The following TRHDE variants were observed in gnomAD, a reference collection of about 807,000 sequenced individuals.
TRHDE encodes the protein thyrotropin releasing hormone degrading enzyme.
A neutral mutation model predicts 125.7 loss-of-function variants in TRHDE; 72 were observed. The observed-to-expected ratio is 0.57, with a 90% CI of 0.47 to 0.70. The LOEUF (loss-of-function observed/expected upper bound fraction) is 0.70, where lower values mean the gene tolerates loss of function less well. Ranked by LOEUF, TRHDE falls within the 30% of genes least tolerant of loss-of-function variation. TRHDE has a pLI of 0.00. For synonymous variants in TRHDE, 509 were observed against 509.1 expected (o/e 1.00, Z 0.00); for missense variants, 1,110 against 1,327.1 (o/e 0.84, Z 2.54).
In TRHDE at chr12:72,382,299, G is replaced by C. The variant is rs574164196; in HGVS notation, c.1315+4178G>C. On this transcript the variant is annotated intron_variant, in intron 3 of 18. Transcript: ENST00000261180. ...AAAAGCAGTTCTAGAATACAGACTT[G>C]ACAGGTGTGCTTAAAAGCAAATGGG... Among the ~76,000 whole-genome samples the C allele has an allele frequency of 6.1e-4, 92 of 152,046 alleles. No homozygotes were observed. In the South Asian group the frequency reaches 6.9e-3, roughly 11 times the overall value.
At chr12:72,402,357 G>C (rs149262937) in intron 3 of TRHDE, among the ~76,000 whole-genome samples, 1 of 152,280 alleles carries the variant, frequency 6.6e-6, no homozygotes, top group African/African-American at 2.4e-5. Context: ...ATCCTGGGCT[G>C]TAGACAGCAC....
At chr12:72,090,327 C>G (rs1874761014) in intron 1 of TRHDE, among the ~76,000 whole-genome samples, 2 of 152,038 alleles carry the variant, frequency 1.3e-5, no homozygotes, top group South Asian at 4.1e-4. Context: ...TCTTTTGGCA[C>G]TGAACAAAAT....
chr12:72,343,029 A>G (rs987237601), intron 2 of TRHDE, among the ~76,000 whole-genome samples: 1 of 152,166 alleles, frequency 6.6e-6, no homozygotes, highest in Non-Finnish European at 1.5e-5. Flanking sequence ...TGAAGAGGTT[A>G]TATAACTTGC....
At chr12:72,291,713 G>A (rs370792736) in intron 2 of TRHDE, among the ~76,000 whole-genome samples, 1 of 152,176 alleles carries the variant, frequency 6.6e-6, no homozygotes. Flanking sequence ...ATTGGGTATT[G>A]TATGCAATCT....
chr12:72,646,170 AAAGGTACAC>A (rs1314092919), intron 15 of TRHDE, among the ~76,000 whole-genome samples: 7 of 152,276 alleles, frequency 4.6e-5, no homozygotes, highest in Non-Finnish European at 1.0e-4. Flanking sequence ...AAATATATTA[AAAGGTACAC>A]AATATGAATA....
At chr12:72,517,997 G>T (rs1878968898) in intron 6 of TRHDE, among the ~76,000 whole-genome samples, 2 of 150,494 alleles carry the variant, frequency 1.3e-5, no homozygotes, top group African/African-American at 4.9e-5. Context: ...TGATTGCACT[G>T]TGGTCTGAGA....
intron 2 of TRHDE, among the ~76,000 whole-genome samples, chr12:72,195,974 G>A (rs1055758683): frequency 1.3e-5 from 2 of 152,076 alleles, no homozygotes; most frequent in Admixed American, 1.3e-4. Context: ...ACCATTTATT[G>A]AATAGGGAGT....
At chr12:72,490,033 A>G (rs1877590438) in intron 5 of TRHDE, among the ~76,000 whole-genome samples, 1 of 151,972 alleles carries the variant, frequency 6.6e-6, no homozygotes, top group Non-Finnish European at 1.5e-5. Flanking sequence ...CAGCAAAGGA[A>G]ACAACAAAAT....
intron 6 of TRHDE, among the ~76,000 whole-genome samples, chr12:72,504,396 C>T (rs1878277507): frequency 2.0e-5 from 3 of 151,848 alleles, no homozygotes; most frequent in South Asian, 2.1e-4. Context: ...CTCTGCCTCC[C>T]GGGTTCAAGT....
At chr12:72,496,607 A>G (rs1877931228) in intron 5 of TRHDE, among the ~76,000 whole-genome samples, 2 of 152,190 alleles carry the variant, frequency 1.3e-5, no homozygotes, top group South Asian at 4.1e-4. Context: ...TTGGGTGGGG[A>G]CACAGAGCCA....
intron 12 of TRHDE, among the ~76,000 whole-genome samples, chr12:72,615,262 T>C (rs1872773024): frequency 6.6e-6 from 1 of 152,184 alleles, no homozygotes; most frequent in Non-Finnish European, 1.5e-5. Context: ...TATGTTGTTC[T>C]TTAAATTTGC....
intron 5 of TRHDE, among the ~76,000 whole-genome samples, chr12:72,491,043 G>T (rs564524750): frequency 1.4e-5 from 2 of 147,904 alleles, no homozygotes; most frequent in African/African-American, 5.0e-5. Context: ...ATGTTAATTT[G>T]CTTCACTATA....
chr12:72,135,894 G>A (rs778534049), intron 2 of TRHDE, among the ~76,000 whole-genome samples: 2 of 151,790 alleles, frequency 1.3e-5, no homozygotes, highest in Non-Finnish European at 2.9e-5. Context: ...CTGACATCAC[G>A]GTACTGGGCA....
At chr12:72,275,480 A>C (rs951340594) in intron 1 of TRHDE, among the ~76,000 whole-genome samples, 1 of 152,202 alleles carries the variant, frequency 6.6e-6, no homozygotes, top group East Asian at 1.9e-4. Flanking sequence ...TACAGATTAA[A>C]AATATTTTTT....
chr12:72,503,880 G>A (rs1878253902), intron 6 of TRHDE, among the ~76,000 whole-genome samples: 1 of 152,142 alleles, frequency 6.6e-6, no homozygotes, highest in Non-Finnish European at 1.5e-5. Flanking sequence ...ATTATTACTG[G>A]CCAATCCTTG....
intron 15 of TRHDE, among the ~76,000 whole-genome samples, chr12:72,641,922 A>G (rs1337599325): frequency 6.6e-6 from 1 of 152,040 alleles, no homozygotes; most frequent in East Asian, 1.9e-4. Flanking sequence ...ATATGATAGT[A>G]TTAGGAAGTA....
rs138984204 is a variant in TRHDE at position 72,156,843 on chromosome 12, G to A, written n.279+51091G>A. Among the ~76,000 whole-genome samples the A allele has an allele frequency of 2.5e-4, 38 of 152,246 alleles. 1 individual carries two copies. The East Asian group carries it at 7.1e-3, about 29-fold the overall frequency. Reference sequence around the variant, plus strand: ...ATGGCCCCAAGTATAGGGAATGCTAGGATTCAGTAATTCCCCAAACAGAAG... The same window carrying A: ...ATGGCCCCAAGTATAGGGAATGCTAAGATTCAGTAATTCCCCAAACAGAAG... On this transcript the variant is annotated intron_variant and non_coding_transcript_variant, in intron 2 of 4. Transcript: ENST00000548156.
chr12:72,668,051 CT>C lies in TRHDE; in HGVS notation c.*4858del, dbSNP rs1463692922. 1 of 151,446 alleles carries C rather than the reference CT, an allele frequency of 6.6e-6. No homozygotes were observed. The highest frequency in any genetic ancestry group is 1.9e-4 in the East Asian group (1 of 5,150). The allele number at this position is 151,446 out of a possible 1,614,324, so 9.4% of individuals were successfully genotyped here. A position where few individuals can be genotyped will look rare whatever the true frequency, so the allele number is the denominator to read the frequency against. ...ATTTGTTGAAATTAGTATATGTGAA[CT>C]TATGAAAAAATGTTCTTGTAAATTA... On this transcript the variant is annotated 3_prime_UTR_variant, in exon 19 of 19. Transcript: ENST00000261180.
At chr12:72,433,704 ATGAAGTATT>A (rs57437068) in intron 3 of TRHDE, among the ~76,000 whole-genome samples, 14,785 of 151,904 alleles carry the variant, frequency 0.097, 881 homozygotes, top group African/African-American at 0.16. Flanking sequence ...CAGCAAACAT[ATGAAGTATT>A]TGGAAGTTGG....
Sources: allele counts gnomAD v4.1 joint callset (sites outside exome capture counted in the v4.1 genomes callset), GRCh38; gene constraint gnomAD v4.1.1; transcripts MANE v1.5; gene names NCBI Gene and HGNC (gene_info 2026-07-23, HGNC 2026-07-21).